MORN1: variants seen among roughly 807,000 people sequenced by gnomAD.
MORN1 encodes MORN repeat-containing protein 1.
Under a neutral mutation model 61.9 loss-of-function variants are expected in MORN1, and 67 were observed. The ratio of observed to expected loss-of-function variants is 1.08; its 90% CI spans 0.89 to 1.33. MORN1 has a LOEUF of 1.33. MORN1 is among the 40% of genes most tolerant of loss of function. The probability of loss-of-function intolerance (pLI) is 0.00; values close to 1 mark genes in which losing one functional copy is unlikely to be tolerated. For missense variants in MORN1, 752 were observed against 691.2 expected (o/e 1.09, Z -0.99); for synonymous variants, 301 against 292.0 (o/e 1.03, Z -0.31).
At chr1:2,354,331 G>A (rs1351018468) in intron 10 of MORN1, among the ~76,000 whole-genome samples, 1 of 152,120 alleles carries the variant, frequency 6.6e-6, no homozygotes, top group Non-Finnish European at 1.5e-5. Flanking sequence ...TTGGGAGGCT[G>A]AGGCGGGAGG....
At chr1:2,347,892 C>T (rs1025552288) in intron 10 of MORN1, among the ~76,000 whole-genome samples, 2 of 152,206 alleles carry the variant, frequency 1.3e-5, no homozygotes, top group Admixed American at 1.3e-4. Context: ...TTTCGCTGGG[C>T]CATCTGAAAG....
At chr1:2,331,812 C>T (rs1455430771) in intron 12 of MORN1, among the ~76,000 whole-genome samples, 1 of 149,942 alleles carries the variant, frequency 6.7e-6, no homozygotes, top group East Asian at 2.0e-4. Flanking sequence ...CGCGGCTGCG[C>T]CTCTCCCGCC....
intron 10 of MORN1, among the ~76,000 whole-genome samples, chr1:2,349,492 T>C (rs1176832031): frequency 6.6e-6 from 1 of 152,220 alleles, no homozygotes; most frequent in Non-Finnish European, 1.5e-5. Context: ...GTTCTGGCAT[T>C]GGAAGCAACA....
At chr1:2,374,906 G>T (rs990361528) in intron 6 of MORN1, 53 of 226,628 alleles carry the variant, frequency 2.3e-4, no homozygotes, top group Non-Finnish European at 7.0e-5. Context: ...TTTGTGGCAT[G>T]TATCATAAAG....
At chr1:2,325,914 C>T (rs12566205) in intron 12 of MORN1, among the ~76,000 whole-genome samples, 6,302 of 152,276 alleles carry the variant, frequency 0.041, 158 homozygotes, top group South Asian at 0.082. Context: ...CATGAGCCAC[C>T]GTGCCCAGCT....
Position 2,321,535 on chromosome 1 carries a change from G to C in MORN1, c.1342C>G (p.Leu448Val). ...MIRDVTTPPF[L>V]GRRLPPAFKH... ...AAGGCCGGGGGCAGCCTGCGCCCCA[G>C]GAACGGCGGGGTGGTCACGTCGCGG... Residue 448 changes from leucine to valine, a missense_variant, in exon 14 of 14, where the codon CTG becomes GTG. Transcript: ENST00000378531. 1 of 1,530,298 alleles carries C rather than the reference G, an allele frequency of 6.5e-7. No individual in the cohort carries two copies. The highest frequency in any genetic ancestry group is 1.2e-5 in the South Asian group (1 of 81,324). The allele number at this position is 1,530,298 out of a possible 1,614,324, so 94.8% of individuals were successfully genotyped here.
chr1:2,323,493 C>A (rs975063126), intron 13 of MORN1: 1 of 985,392 alleles, frequency 1.0e-6, no homozygotes, highest in Non-Finnish European at 1.2e-6. Context: ...GCTAGGGGTC[C>A]GAGCCTTTGT....
chr1:2,340,881 C>T (rs190724500), intron 10 of MORN1, among the ~76,000 whole-genome samples: 55 of 152,378 alleles, frequency 3.6e-4, no homozygotes, highest in Middle Eastern at 6.8e-3. Context: ...CGACCTGTGG[C>T]CGCCACACAG....
chr1:2,389,511 G>A (rs1407696142), intron 2 of MORN1, among the ~76,000 whole-genome samples: 1 of 152,192 alleles, frequency 6.6e-6, no homozygotes, highest in African/African-American at 2.4e-5. Context: ...CAAGTGATCC[G>A]CCCACCTTGG....
intron 8 of MORN1, among the ~76,000 whole-genome samples, chr1:2,370,401 G>A (rs765125857): frequency 2.6e-5 from 4 of 152,180 alleles, no homozygotes; most frequent in Non-Finnish European, 4.4e-5. Flanking sequence ...GGAGGGATAC[G>A]AGAAAATCTT....
At chr1:2,374,626 T>A in intron 6 of MORN1, 69 bp from the exon 7 acceptor site, 1 of 1,345,830 alleles carries the variant, frequency 7.4e-7, no homozygotes, top group Non-Finnish European at 1.0e-6. Context: ...CGCATGGCAC[T>A]GCAGCTTCCT....
At chr1:2,349,971 G>A (rs1641610408) in intron 10 of MORN1, among the ~76,000 whole-genome samples, 1 of 152,170 alleles carries the variant, frequency 6.6e-6, no homozygotes, top group Non-Finnish European at 1.5e-5. Context: ...AATTCACAGG[G>A]GATTGTTTGA....
intron 12 of MORN1, among the ~76,000 whole-genome samples, chr1:2,325,334 G>A (rs1569905834): frequency 2.1e-5 from 3 of 145,694 alleles, no homozygotes; most frequent in African/African-American, 5.1e-5. Context: ...TCTAGATAGA[G>A]TCTGGCTCTG....
chr1:2,362,315 A>G (rs1285974024), intron 8 of MORN1, among the ~76,000 whole-genome samples: 2 of 152,248 alleles, frequency 1.3e-5, no homozygotes, highest in Non-Finnish European at 2.9e-5. Flanking sequence ...CACATTGAAT[A>G]CACTGAGGAG....
chr1:2,321,365 T>C lies in MORN1; in HGVS notation c.*18A>G. 1 of 1,460,688 alleles carries C rather than the reference T, an allele frequency of 6.8e-7. No individual in the cohort carries two copies. Among genetic ancestry groups the C allele is most frequent in the Non-Finnish European group, 9.1e-7 (1 of 1,096,892 alleles). The allele number at this position is 1,460,688 out of a possible 1,614,324, so 90.5% of individuals were successfully genotyped here. On this transcript the variant is annotated 3_prime_UTR_variant, in exon 14 of 14. Transcript: ENST00000378531. ...TCCTTCCATTCACACCGAGGTGGCC[T>C]CCTGTGGACACGGGGCCTCACCGAG... is the stretch of plus-strand genomic sequence containing the variant.
intron 1 of MORN1, chr1:2,390,644 T>C: frequency 1.0e-6 from 1 of 985,346 alleles, no homozygotes; most frequent in South Asian, 4.7e-5. Context: ...GGCTACTGTA[T>C]CTGTCCCAAA....
rs1452679183 is a variant in MORN1 at position 2,327,163 on chromosome 1, C to G, written c.1251-3020G>C. Among the ~76,000 whole-genome samples the G allele has an allele frequency of 4.2e-3, 598 of 141,216 alleles. 46 individuals are homozygous for G. The highest frequency in any genetic ancestry group is 0.016 in the African/African-American group (556 of 35,478). 92.6% of individuals were successfully genotyped at this position (141,216 alleles called of 152,430 possible). A position where few individuals can be genotyped will look rare whatever the true frequency, so the allele number is the denominator to read the frequency against. ...ACAGAGACACAGAAACAGAAACACA[C>G]AGACAGAAACAAACACAGAGACACA... is the stretch of plus-strand genomic sequence containing the variant. On this transcript the variant is annotated intron_variant, in intron 12 of 13. Coordinates refer to ENST00000378531, the MANE Select transcript of MORN1 (RefSeq NM_024848.3).
chr1:2,371,724 C>T (rs1307392993), intron 8 of MORN1: 1 of 153,984 alleles, frequency 6.5e-6, no homozygotes, highest in Non-Finnish European at 1.4e-5. Context: ...CCAGCCTGAC[C>T]AACATGGCGA....
At chr1:2,390,882 G>A (rs1642639287) in intron 1 of MORN1, 2 of 387,022 alleles carry the variant, frequency 5.2e-6, no homozygotes, top group Non-Finnish European at 7.1e-6. Flanking sequence ...CCGAGTAGCT[G>A]GAACTACAGG....
Sources: allele counts gnomAD v4.1 joint callset (sites outside exome capture counted in the v4.1 genomes callset), GRCh38; gene constraint gnomAD v4.1.1; transcripts MANE v1.5; gene names NCBI Gene and HGNC (gene_info 2026-07-23, HGNC 2026-07-21).